Variants in WNT3A observed in about 807,000 individuals in gnomAD.
WNT3A encodes the protein protein Wnt-3a.
Under a neutral mutation model 37.0 loss-of-function variants are expected in WNT3A, and 17 were observed. That is an observed-to-expected ratio of 0.46 (90% confidence interval 0.31 to 0.69). WNT3A has a LOEUF of 0.69. Ranked by LOEUF, WNT3A falls within the 30% of genes least tolerant of loss-of-function variation. The pLI, the probability that WNT3A is intolerant of heterozygous loss-of-function variation, is 0.05. For missense variants in WNT3A, 411 were observed against 510.2 expected, an observed-to-expected ratio of 0.81 and a Z score of 1.87; for synonymous variants, 187 against 211.0, an observed-to-expected ratio of 0.89 and a Z score of 0.99.
intron 2 of WNT3A, 118 bp downstream of exon 2, chr1:228,023,026 T>C (rs576883547): frequency 6.9e-7 from 1 of 1,455,038 alleles, no homozygotes; most frequent in South Asian, 1.4e-5. Context: ...ACGCGGACGC[T>C]GGGGTCCTTC....
At chr1:228,049,696 A>T (rs2031499469) in intron 2 of WNT3A, among the ~76,000 whole-genome samples, 1 of 152,144 alleles carries the variant, frequency 6.6e-6, no homozygotes, top group Non-Finnish European at 1.5e-5. Context: ...CCATCCCCGT[A>T]GGTGTGAGGC....
In WNT3A at chr1:228,059,058, T is replaced by C. The variant is rs1478654890; in HGVS notation, c.652T>C (p.Trp218Arg). 1.2e-6 allele frequency: 2 copies of C among 1,613,526 alleles called. No homozygotes were observed. The highest frequency in any genetic ancestry group is 1.7e-6 in the Non-Finnish European group (2 of 1,179,948). Reference sequence around the variant, plus strand: ...GGGCAGCTGCGAGGTGAAGACATGCTGGTGGTCGCAACCCGACTTCCGCGC... The same window carrying C: ...GGGCAGCTGCGAGGTGAAGACATGCCGGTGGTCGCAACCCGACTTCCGCGC... Reference protein sequence around the residue: ...LSGSCEVKTCWWSQPDFRAIG... With the variant: ...LSGSCEVKTCRWSQPDFRAIG... The change falls in exon 4 of 4, where the codon TGG (tryptophan) becomes CGG (arginine). Residue 218 changes from tryptophan (W) to arginine (R), a missense_variant. By Grantham distance (101) the Trp-to-Arg change is moderately radical (BLOSUM62 -3). Transcript: ENST00000284523.
intron 1 of WNT3A, among the ~76,000 whole-genome samples, chr1:228,020,222 C>G (rs1445439431): frequency 6.6e-6 from 1 of 152,192 alleles, no homozygotes. Context: ...GACTCCGTCT[C>G]AAAACAAACA....
At position 228,059,488 on chromosome 1, in the gene WNT3A, G is replaced by C. The variant is rs1381489780; in HGVS notation, c.*23G>C. On this transcript the variant is annotated 3_prime_UTR_variant, in exon 4 of 4. Coordinates refer to ENST00000284523, the MANE Select transcript of WNT3A (RefSeq NM_033131.4). The stretch of plus-strand genomic sequence containing the variant: ...TAGGCACCGGCCGCGGCTCCCCCTG[G>C]ACGGGGCGGGCCCTGCCTGAGGGTG... 6.1e-6 allele frequency: 9 copies of C among 1,487,530 alleles called. No homozygotes were observed. Among genetic ancestry groups the C allele is most frequent in the Non-Finnish European group, 8.0e-6 (9 of 1,126,118 alleles). The allele number at this position is 1,487,530 out of a possible 1,614,324, so 92.1% of individuals were successfully genotyped here.
chr1:228,021,165 C>T (rs563076524), intron 1 of WNT3A, among the ~76,000 whole-genome samples: 1 of 152,216 alleles, frequency 6.6e-6, no homozygotes, highest in Non-Finnish European at 1.5e-5. Flanking sequence ...GGCAGAGCTT[C>T]CCTGATGACA....
At position 228,007,578 on chromosome 1, in the gene WNT3A, G is replaced by A. The variant is rs949202369; in HGVS notation, c.71+379G>A. Among the ~76,000 whole-genome samples, 6 of 152,308 alleles carry A rather than the reference G, an allele frequency of 3.9e-5. No homozygotes were observed. Among genetic ancestry groups the A allele is most frequent in the South Asian group, 2.1e-4 (1 of 4,828 alleles). ...ACAGGCGAGGGAAGAGGGCCAGCGA[G>A]AGAGAATTCGCCGGAGACTTTCCTC... On this transcript the variant is annotated intron_variant, in intron 1 of 3. Coordinates refer to ENST00000284523, the MANE Select transcript of WNT3A (RefSeq NM_033131.4). The surrounding 1 kb of genome is among the most constrained non-coding windows in gnomAD (Gnocchi z 6.0).
At position 228,051,573 on chromosome 1, in the gene WNT3A, G is replaced by A. The variant is rs539140664; in HGVS notation, c.579+652G>A. Among the ~76,000 whole-genome samples the A allele has an allele frequency of 8.6e-4, 131 of 152,318 alleles. 1 individual carries two copies. Among genetic ancestry groups the A allele is most frequent in the Admixed American group, 1.8e-3 (27 of 15,310 alleles). On this transcript the variant is annotated intron_variant, in intron 3 of 3. Coordinates refer to ENST00000284523, the MANE Select transcript of WNT3A (RefSeq NM_033131.4). Reference sequence around the variant, plus strand: ...GAAGTCCAAGGTCATGGTACTAGCAGATACCTTGTCCGGTGAGGGCCTGCT... The same window carrying A: ...GAAGTCCAAGGTCATGGTACTAGCAAATACCTTGTCCGGTGAGGGCCTGCT...
chr1:228,050,589 C>T lies in WNT3A; in HGVS notation c.314-67C>T, dbSNP rs1206973217. The T allele has an allele frequency of 6.6e-7, 1 of 1,513,432 alleles. No individual in the cohort carries two copies. Among genetic ancestry groups the T allele is most frequent in the Non-Finnish European group, 8.8e-7 (1 of 1,132,044 alleles). The allele number at this position is 1,513,432 out of a possible 1,614,324, so 93.8% of individuals were successfully genotyped here. ...ATAACAATGCAAATGGGCTAAGACC[C>T]CTGACCTGCCCAAGGCGGTCCTTTG... On this transcript the variant is annotated intron_variant, in intron 2 of 3. Transcript: ENST00000284523. This position sits in a 1 kb window ranked among gnomAD's most constrained non-coding sequence, Gnocchi z 5.0.
At chr1:228,015,790 A>C (rs2030514916) in intron 1 of WNT3A, among the ~76,000 whole-genome samples, 2 of 149,114 alleles carry the variant, frequency 1.3e-5, no homozygotes, top group Non-Finnish European at 3.0e-5. Context: ...CCTTGACCAG[A>C]CACTTGTTTG....
At chr1:228,041,959 T>C (rs1264855359) in intron 2 of WNT3A, among the ~76,000 whole-genome samples, 1 of 152,190 alleles carries the variant, frequency 6.6e-6, no homozygotes, top group Non-Finnish European at 1.5e-5. Flanking sequence ...TTGTATCATA[T>C]TGAGCAGCAG....
chr1:228,044,819 G>T (rs1276079879), intron 2 of WNT3A, among the ~76,000 whole-genome samples: 1 of 152,190 alleles, frequency 6.6e-6, no homozygotes, highest in East Asian at 1.9e-4. Flanking sequence ...CAGAACATAG[G>T]GTCTCACGCT....
At chr1:228,016,406 G>A (rs1246097092) in intron 1 of WNT3A, among the ~76,000 whole-genome samples, 2 of 152,130 alleles carry the variant, frequency 1.3e-5, no homozygotes, top group Non-Finnish European at 2.9e-5. Flanking sequence ...GTTCAGTTGG[G>A]GAAACTGAGG....
intron 2 of WNT3A, among the ~76,000 whole-genome samples, chr1:228,043,604 G>C (rs1310779276): frequency 6.6e-6 from 1 of 152,232 alleles, no homozygotes; most frequent in East Asian, 1.9e-4. Context: ...TAGAGAACTT[G>C]GTTTCCGTGG....
intron 3 of WNT3A, among the ~76,000 whole-genome samples, chr1:228,051,808 T>C (rs987472212): frequency 1.3e-5 from 2 of 151,988 alleles, no homozygotes; most frequent in Non-Finnish European, 2.9e-5. Flanking sequence ...TCAGGGAGAT[T>C]TTACACATGG....
chr1:228,039,882 C>T lies in WNT3A; in HGVS notation c.314-10774C>T, dbSNP rs1436129189. Among the ~76,000 whole-genome samples the T allele has an allele frequency of 6.6e-6, 1 of 152,150 alleles. No homozygotes were observed. The highest frequency in any genetic ancestry group is 2.4e-5 in the African/African-American group (1 of 41,428). On this transcript the variant is annotated intron_variant, in intron 2 of 3. Transcript: ENST00000284523. The surrounding 1 kb of genome is among the most constrained non-coding windows in gnomAD (Gnocchi z 4.1). ...CCTATGGTCGCATTTAACAACAATC[C>T]CCACCCCCTGACCCAGAACTTTCCC...
chr1:228,057,462 G>A (rs1034282975), intron 3 of WNT3A, among the ~76,000 whole-genome samples: 1 of 152,150 alleles, frequency 6.6e-6, no homozygotes, highest in Non-Finnish European at 1.5e-5. Context: ...GAAACTGTTG[G>A]ACTCTTCCAA....
intron 2 of WNT3A, among the ~76,000 whole-genome samples, chr1:228,043,705 G>A (rs1424283337): frequency 6.6e-6 from 1 of 152,164 alleles, no homozygotes; most frequent in Non-Finnish European, 1.5e-5. Flanking sequence ...GGTGACTCTG[G>A]GCAGTGGTTC....
chr1:228,013,319 G>C (rs919304360), intron 1 of WNT3A, among the ~76,000 whole-genome samples: 1 of 152,214 alleles, frequency 6.6e-6, no homozygotes, highest in Admixed American at 6.5e-5. Context: ...ACAGCCCTGA[G>C]GCTGGTGAGG....
chr1:228,059,457 T>G lies in WNT3A; in HGVS notation c.1051T>G (p.Cys351Gly). Residue 351 changes from cysteine (C) to glycine (G), a missense_variant, in exon 4 of 4, where the codon TGC (cysteine) becomes GGC (glycine). Cys to Gly is a radical substitution (Grantham distance 159, BLOSUM62 -3). Transcript: ENST00000284523. The stretch of plus-strand genomic sequence containing the variant: ...CACGCGCGTCTACGACGTGCACACC[T>G]GCAAGTAGGCACCGGCCGCGGCTCC... The part of the protein sequence containing the change: ...ECTRVYDVHT[C>G]K The G allele has an allele frequency of 6.6e-7, 1 of 1,507,518 alleles. No homozygotes were observed. The highest frequency in any genetic ancestry group is 8.8e-7 in the Non-Finnish European group (1 of 1,134,096). The allele number at this position is 1,507,518 out of a possible 1,614,324, so 93.4% of individuals were successfully genotyped here.
Sources: allele counts gnomAD v4.1 joint callset (sites outside exome capture counted in the v4.1 genomes callset), GRCh38; gene constraint gnomAD v4.1.1; non-coding constraint Gnocchi (gnomAD v3.1); transcripts MANE v1.5; gene names NCBI Gene and HGNC (gene_info 2026-07-23, HGNC 2026-07-21).